The following OR6N1 variants were observed in gnomAD, a reference collection of about 807,000 sequenced individuals.
The protein encoded by OR6N1 is olfactory receptor family 6 subfamily N member 1.
For missense variants in OR6N1, 394 were observed against 371.7 expected, an observed-to-expected ratio of 1.06 and a Z score of -0.49; for synonymous variants, 170 against 150.7, an observed-to-expected ratio of 1.13 and a Z score of -0.94.
upstream of OR6N1, chr1:158,776,640 T>C (rs747445714): frequency 8.2e-7 from 1 of 1,213,228 alleles, no homozygotes; most frequent in Non-Finnish European, 1.2e-6. Context: ...AAGGAACTTT[T>C]ATGAATTGAA....
the OR6N1 span, among the ~76,000 whole-genome samples, chr1:158,798,526 A>C: frequency 2.0e-5 from 3 of 151,784 alleles, no homozygotes; most frequent in African/African-American, 7.2e-5. Flanking sequence ...GGACATGTGA[A>C]ATTTATCATT....
the OR6N1 span, among the ~76,000 whole-genome samples, chr1:158,839,152 T>C: frequency 6.6e-6 from 1 of 152,146 alleles, no homozygotes; most frequent in Non-Finnish European, 1.5e-5. Flanking sequence ...TTGTATACCT[T>C]TTGTTGAAAA....
At chr1:158,811,885 T>A in the OR6N1 span, among the ~76,000 whole-genome samples, 2 of 152,162 alleles carry the variant, frequency 1.3e-5, no homozygotes, top group Admixed American at 6.5e-5. Flanking sequence ...AGAGTTTCAC[T>A]TTAGAAAATA....
the OR6N1 span, among the ~76,000 whole-genome samples, chr1:158,838,753 G>A: frequency 6.6e-6 from 1 of 151,866 alleles, no homozygotes; most frequent in African/African-American, 2.4e-5. Flanking sequence ...TATAAGTTCT[G>A]TTCACTTTCC....
chr1:158,809,532 T>G, the OR6N1 span, among the ~76,000 whole-genome samples: 3 of 152,152 alleles, frequency 2.0e-5, no homozygotes, highest in Non-Finnish European at 4.4e-5. Flanking sequence ...GGTGTGGGAC[T>G]AGAAATCAAG....
At chr1:158,777,061 G>A (rs149694373), upstream of OR6N1, 13 of 1,614,018 alleles carry the variant, frequency 8.1e-6, no homozygotes, top group Non-Finnish European at 1.0e-5. Context: ...GTTAGCAGAT[G>A]TGTCCTTGCA....
chr1:158,788,629 C>T, the OR6N1 span, among the ~76,000 whole-genome samples: 2 of 151,988 alleles, frequency 1.3e-5, no homozygotes, highest in African/African-American at 4.8e-5. Context: ...ATTAGTATAG[C>T]CATCACTTTA....
At chr1:158,768,203 A>G (rs979250570) in intron 1 of OR6N1, among the ~76,000 whole-genome samples, 1 of 151,874 alleles carries the variant, frequency 6.6e-6, no homozygotes, top group Non-Finnish European at 1.5e-5. Context: ...ATACCATCCA[A>G]TACCAGAGCT....
At chr1:158,839,703 T>C in the OR6N1 span, among the ~76,000 whole-genome samples, 1 of 152,168 alleles carries the variant, frequency 6.6e-6, no homozygotes, top group Non-Finnish European at 1.5e-5. Flanking sequence ...AGGGAGAAAG[T>C]TAAACAGGGA....
At chr1:158,787,954 C>A in the OR6N1 span, among the ~76,000 whole-genome samples, 3 of 152,132 alleles carry the variant, frequency 2.0e-5, no homozygotes, top group African/African-American at 7.2e-5. Context: ...CTTTGTCTGA[C>A]AGGATGATGG....
the OR6N1 span, among the ~76,000 whole-genome samples, chr1:158,835,618 G>C: frequency 4.5e-5 from 4 of 88,376 alleles, no homozygotes; most frequent in African/African-American, 1.3e-4. Context: ...TTTTTGGTGG[G>C]GGCGGGGGGT....
chr1:158,768,523 G>A (rs557312267), intron 1 of OR6N1, among the ~76,000 whole-genome samples: 1 of 152,246 alleles, frequency 6.6e-6, no homozygotes, highest in East Asian at 1.9e-4. Flanking sequence ...CCCTCTTACT[G>A]TAATTGACTC....
At chr1:158,779,387 G>C in the OR6N1 span, among the ~76,000 whole-genome samples, 381 of 152,178 alleles carry the variant, frequency 2.5e-3, 1 homozygote, top group African/African-American at 8.8e-3. Flanking sequence ...CGTCACAATG[G>C]CTGTCACATT....
the OR6N1 span, among the ~76,000 whole-genome samples, chr1:158,832,919 G>A: frequency 1.3e-5 from 2 of 151,864 alleles, no homozygotes; most frequent in African/African-American, 2.4e-5. Context: ...ATTTTAACTT[G>A]GTTTTGCCAT....
chr1:158,770,266 T>C (rs558082875), intron 1 of OR6N1, among the ~76,000 whole-genome samples: 36 of 152,324 alleles, frequency 2.4e-4, no homozygotes, highest in African/African-American at 8.7e-4. Flanking sequence ...CACTCATTAA[T>C]GACCTGCTGT....
chr1:158,838,475 T>A, the OR6N1 span, among the ~76,000 whole-genome samples: 1 of 152,114 alleles, frequency 6.6e-6, no homozygotes, highest in Non-Finnish European at 1.5e-5. Flanking sequence ...TTCTTGGATA[T>A]AATGAGTTGC....
At chr1:158,777,594 G>C in the OR6N1 span, 1 of 1,613,906 alleles carries the variant, frequency 6.2e-7, no homozygotes, top group Non-Finnish European at 8.5e-7. Flanking sequence ...CAAAGCCAAG[G>C]AACACAAATT....
the OR6N1 span, among the ~76,000 whole-genome samples, chr1:158,838,162 A>G: frequency 1.3e-5 from 2 of 151,996 alleles, no homozygotes; most frequent in African/African-American, 2.4e-5. Flanking sequence ...TTATGTATAT[A>G]CTTACCTTTC....
At chr1:158,821,913 G>T in the OR6N1 span, among the ~76,000 whole-genome samples, 1 of 152,104 alleles carries the variant, frequency 6.6e-6, no homozygotes, top group Non-Finnish European at 1.5e-5. Context: ...TAAGAGTTCC[G>T]TTACTCCACA....
Sources: gnomAD v4.1 joint callset for allele counts (sites outside exome capture counted in the v4.1 genomes callset) on GRCh38, gnomAD v4.1.1 for gene constraint, MANE v1.5 for transcripts, NCBI Gene and HGNC (gene_info 2026-07-23, HGNC 2026-07-21) for gene names.